XXYLT1: variants seen among roughly 807,000 people sequenced by gnomAD.
XXYLT1 encodes the protein xyloside xylosyltransferase 1.
A neutral mutation model predicts 28.9 loss-of-function variants in XXYLT1; 20 were observed. The observed-to-expected ratio is 0.69, with a 90% CI of 0.49 to 1.00. The LOEUF (loss-of-function observed/expected upper bound fraction) is 1.00. XXYLT1 is among the 50% of genes least tolerant of loss of function. The pLI, the probability that XXYLT1 is intolerant of heterozygous loss-of-function variation, is 0.00. For missense variants in XXYLT1, 542 were observed against 560.1 expected (o/e 0.97, Z 0.33); for synonymous variants, 257 against 253.8 (o/e 1.01, Z -0.12).
chr3:195,246,428 A>G (rs1023900234), intron 1 of XXYLT1, among the ~76,000 whole-genome samples: 1 of 152,242 alleles, frequency 6.6e-6, no homozygotes, highest in Non-Finnish European at 1.5e-5. Context: ...AAGCACAGCA[A>G]TACACAGTGT....
At chr3:195,134,868 T>TGTGC (rs996449867) in intron 3 of XXYLT1, among the ~76,000 whole-genome samples, 18 of 100,120 alleles carry the variant, frequency 1.8e-4, no homozygotes, top group South Asian at 7.6e-4. Flanking sequence ...TGTGTGTGTG[T>TGTGC]GCGTGTGCGC....
chr3:195,086,663 G>A (rs1715747047), intron 3 of XXYLT1, among the ~76,000 whole-genome samples: 2 of 152,266 alleles, frequency 1.3e-5, no homozygotes, highest in South Asian at 2.1e-4. Context: ...CTGGCTGGGT[G>A]GGCACTGGCA....
chr3:195,101,384 G>T (rs747046457), intron 3 of XXYLT1, among the ~76,000 whole-genome samples: 1 of 152,136 alleles, frequency 6.6e-6, no homozygotes, highest in African/African-American at 2.4e-5. Flanking sequence ...TTACTCTCAG[G>T]GCATCATGAT....
chr3:195,233,099 G>A (rs1724370108), intron 1 of XXYLT1, among the ~76,000 whole-genome samples: 2 of 151,924 alleles, frequency 1.3e-5, no homozygotes, highest in African/African-American at 4.8e-5. Flanking sequence ...TCCTTATGCT[G>A]AATTGACCCC....
intron 3 of XXYLT1, among the ~76,000 whole-genome samples, chr3:195,104,967 G>C (rs759966822): frequency 1.8e-4 from 28 of 152,196 alleles, no homozygotes; most frequent in Non-Finnish European, 3.7e-4. Context: ...CGCAGCTTTG[G>C]AGACCAACAG....
At chr3:195,151,595 T>C (rs1489918564) in intron 3 of XXYLT1, among the ~76,000 whole-genome samples, 1 of 152,062 alleles carries the variant, frequency 6.6e-6, no homozygotes, top group Non-Finnish European at 1.5e-5. Context: ...AATTATTTAG[T>C]ATAAATAATT....
chr3:195,111,118 C>T (rs1199497922), intron 3 of XXYLT1, among the ~76,000 whole-genome samples: 5 of 152,018 alleles, frequency 3.3e-5, no homozygotes, highest in Non-Finnish European at 4.4e-5. Flanking sequence ...TGTTCCAGGC[C>T]GCTCCCCTAG....
intron 3 of XXYLT1, among the ~76,000 whole-genome samples, chr3:195,114,549 T>C (rs1717944769): frequency 1.3e-5 from 2 of 152,190 alleles, no homozygotes; most frequent in Non-Finnish European, 2.9e-5. Context: ...ACAATCACAT[T>C]ATACAACCAT....
At chr3:195,097,742 C>T (rs1294021740) in intron 3 of XXYLT1, among the ~76,000 whole-genome samples, 1 of 152,128 alleles carries the variant, frequency 6.6e-6, no homozygotes, top group African/African-American at 2.4e-5. Flanking sequence ...TGAGCACCTC[C>T]GCTGGGACCA....
intron 2 of XXYLT1, chr3:195,183,371 C>G (rs1722039377): frequency 6.6e-6 from 1 of 152,254 alleles, no homozygotes. Flanking sequence ...TCCCTCCTGA[C>G]CCCTGGGAAG....
intron 1 of XXYLT1, 72 bp from the exon 2 acceptor site, chr3:195,226,928 C>G: frequency 1.3e-6 from 2 of 1,555,558 alleles, no homozygotes; most frequent in Non-Finnish European, 1.7e-6. Context: ...CCAACAAGCA[C>G]CTGGGCCCAC....
intron 1 of XXYLT1, among the ~76,000 whole-genome samples, chr3:195,248,623 G>A (rs1725130124): frequency 2.0e-5 from 3 of 152,128 alleles, no homozygotes; most frequent in Non-Finnish European, 4.4e-5. Context: ...CCATTAAAAT[G>A]CCCTTTTTCC....
In XXYLT1 at chr3:195,209,083, C is replaced by A. The variant is rs1321402664; in HGVS notation, c.652+17626G>T. 6.6e-6 allele frequency among the ~76,000 whole-genome samples: 1 copy of A among 152,248 alleles called. No individual in the cohort carries two copies. The highest frequency in any genetic ancestry group is 2.4e-5 in the African/African-American group (1 of 41,470). On this transcript the variant is annotated intron_variant, in intron 2 of 3. Transcript: ENST00000310380. This position sits in a 1 kb window ranked among gnomAD's most constrained non-coding sequence, Gnocchi z 5.0. Reference sequence around the variant, plus strand: ...AGAAGGGAAGCCATCGCCCACCTCCCCTTACGTGGCTCACTCGCCTCTCAG... The same window carrying A: ...AGAAGGGAAGCCATCGCCCACCTCCACTTACGTGGCTCACTCGCCTCTCAG...
In XXYLT1 at chr3:195,262,374, G is replaced by A. The variant is rs80137335; in HGVS notation, c.504+8181C>T. Among the ~76,000 whole-genome samples, 942 of 152,258 alleles carry A rather than the reference G, an allele frequency of 6.2e-3. 7 individuals carry two copies. Among genetic ancestry groups the A allele is most frequent in the Non-Finnish European group, 0.011 (747 of 68,024 alleles). ...ATGCTAATGGATACAGGGTTTCTGA[G>A]GTGACAAGTGTTCTAGAATCAGTGG... On this transcript the variant is annotated intron_variant, in intron 1 of 3. Transcript: ENST00000310380.
At chr3:195,185,513 T>G (rs553524751) in intron 2 of XXYLT1, among the ~76,000 whole-genome samples, 73 of 151,612 alleles carry the variant, frequency 4.8e-4, no homozygotes, top group Non-Finnish European at 7.7e-4. Flanking sequence ...GTTTTTTTTT[T>G]TTTTTTTTTC....
rs139004315 is a variant in XXYLT1, at chr3:195,210,140, G to A, written c.652+16569C>T. ...GCCCCTCCCCCAGCCTTCACCCCAA[G>A]CCTTCAAGGCTAACCTCTCCTCATC... On this transcript the variant is annotated intron_variant, in intron 2 of 3. Transcript: ENST00000310380. The surrounding 1 kb of genome is among the most constrained non-coding windows in gnomAD (Gnocchi z 4.8). Among the ~76,000 whole-genome samples the A allele has an allele frequency of 1.1e-4, 16 of 152,300 alleles. No homozygotes were observed. The East Asian group carries it at 3.1e-3, about 29-fold the overall frequency.
At chr3:195,082,903 A>G (rs1282526481) in intron 3 of XXYLT1, among the ~76,000 whole-genome samples, 1 of 152,066 alleles carries the variant, frequency 6.6e-6, no homozygotes, top group Admixed American at 6.5e-5. Context: ...AAGAGCCAAC[A>G]GTGAGGTGCC....
chr3:195,097,426 G>GT (rs1307922041), intron 3 of XXYLT1, among the ~76,000 whole-genome samples: 1 of 152,184 alleles, frequency 6.6e-6, no homozygotes, highest in Non-Finnish European at 1.5e-5. Flanking sequence ...CAGCAAATGC[G>GT]TATCAACACG....
At chr3:195,224,841 T>C (rs574479228) in intron 2 of XXYLT1, among the ~76,000 whole-genome samples, 1 of 152,246 alleles carries the variant, frequency 6.6e-6, no homozygotes, top group Admixed American at 6.5e-5. Flanking sequence ...GGGAAACTGG[T>C]GAGGCCAAGA....
Sources: gnomAD v4.1 joint callset for allele counts (sites outside exome capture counted in the v4.1 genomes callset) on GRCh38, gnomAD v4.1.1 for gene constraint, Gnocchi (gnomAD v3.1) non-coding constraint, MANE v1.5 for transcripts, NCBI Gene and HGNC (gene_info 2026-07-23, HGNC 2026-07-21) for gene names.